The following ZFP69B variants were observed in gnomAD, a reference collection of about 807,000 sequenced individuals.
The protein encoded by ZFP69B is ZFP69 zinc finger protein B, also known as zinc finger protein 69 homolog B.
A neutral mutation model predicts 19.7 loss-of-function variants in ZFP69B; 20 were observed. The ratio of observed to expected loss-of-function variants is 1.02; its 90% confidence interval spans 0.71 to 1.48. The LOEUF (loss-of-function observed/expected upper bound fraction) is 1.48, where lower values mean the gene tolerates loss of function less well. Ranked by LOEUF, ZFP69B falls within the 40% of genes most tolerant of loss-of-function variation. ZFP69B has a pLI of 0.00. For synonymous variants in ZFP69B, 220 were observed against 222.7 expected, an observed-to-expected ratio of 0.99 and a Z score of 0.11; for missense variants, 583 against 632.6, an observed-to-expected ratio of 0.92 and a Z score of 0.84.
chr1:40,451,656 G>T (rs997824907), intron 1 of ZFP69B, among the ~76,000 whole-genome samples: 4 of 145,528 alleles, frequency 2.7e-5, no homozygotes, highest in East Asian at 2.1e-4. Context: ...AAAGACGTGG[G>T]GGGGGGGGAA....
intron 2 of ZFP69B, among the ~76,000 whole-genome samples, chr1:40,455,167 TAGC>T (rs921419882): frequency 2.0e-5 from 3 of 152,204 alleles, no homozygotes; most frequent in Non-Finnish European, 1.5e-5. Context: ...AAACTTCTAA[TAGC>T]AGTTTAACAG....
At chr1:40,460,858 G>A (rs924000249) in intron 4 of ZFP69B, among the ~76,000 whole-genome samples, 1 of 151,872 alleles carries the variant, frequency 6.6e-6, no homozygotes, top group African/African-American at 2.4e-5. Flanking sequence ...GCGCATGCTT[G>A]TAGTCCCAGC....
chr1:40,456,168 T>C (rs1645230974), intron 2 of ZFP69B, among the ~76,000 whole-genome samples: 1 of 152,176 alleles, frequency 6.6e-6, no homozygotes, highest in South Asian at 2.1e-4. Context: ...TCTAGATCCA[T>C]GAGGAATCGC....
upstream of ZFP69B, among the ~76,000 whole-genome samples, chr1:40,450,411 G>C (rs1645174142): frequency 6.6e-6 from 1 of 151,594 alleles, no homozygotes; most frequent in Non-Finnish European, 1.5e-5. Context: ...ACTAGTGAAA[G>C]AGCTGGGATT....
intron 1 of ZFP69B, among the ~76,000 whole-genome samples, chr1:40,453,732 C>T (rs925302436): frequency 1.3e-5 from 2 of 151,978 alleles, no homozygotes; most frequent in African/African-American, 2.4e-5. Flanking sequence ...ATTAGTTGGG[C>T]GTGGTGTCAC....
intron 1 of ZFP69B, 87 bp from the exon 2 acceptor site, chr1:40,454,116 G>T: frequency 9.9e-7 from 1 of 1,005,062 alleles, no homozygotes. Context: ...TTTTTGGGGA[G>T]AAGCCACAAT....
At chr1:40,454,067 C>A in intron 1 of ZFP69B, 136 bp from the exon 2 acceptor site, 1 of 451,320 alleles carries the variant, frequency 2.2e-6, no homozygotes, top group Non-Finnish European at 3.8e-6. Flanking sequence ...AGGCTTTGAG[C>A]TGCTCTTGAG....
intron 3 of ZFP69B, 132 bp from the exon 4 acceptor site, chr1:40,457,212 G>A: frequency 6.8e-7 from 1 of 1,466,608 alleles, no homozygotes; most frequent in African/African-American, 1.4e-5. Flanking sequence ...GGATTGCTAT[G>A]CTCTTTTCTG....
rs745962942 is a variant in ZFP69B, at chr1:40,463,495, A to T, written c.1511A>T (p.Asp504Val). 6.2e-7 allele frequency: 1 copy of T among 1,614,028 alleles called. No homozygotes were observed. Among genetic ancestry groups the T allele is most frequent in the African/African-American group, 1.3e-5 (1 of 74,938 alleles). ...ATTCATACTGGAGAAAAACCTTATG[A>T]TTGTAATGAGTGTGGAAAAGCCTTC... Reference protein sequence around the residue: ...QRIHTGEKPYDCNECGKAFSC... With the variant: ...QRIHTGEKPYVCNECGKAFSC... The change falls in exon 5 of 5, where the codon GAT becomes GTT. Residue 504 changes from aspartate (D) to valine (V), a missense_variant. By Grantham distance (152) the Asp-to-Val change is radical (BLOSUM62 -3). Coordinates refer to ENST00000361584, the MANE Select transcript of ZFP69B (RefSeq NM_023070.3).
chr1:40,454,797 CTT>C (rs1645218828), intron 2 of ZFP69B, among the ~76,000 whole-genome samples: 1 of 152,024 alleles, frequency 6.6e-6, no homozygotes, highest in Admixed American at 6.5e-5. Flanking sequence ...CAGGAAACCT[CTT>C]GTTTTTGCAA....
Position 40,454,314 on chromosome 1 carries a change from C to T in ZFP69B, c.213+26C>T, listed in dbSNP as rs769205067. On this transcript the variant is annotated intron_variant, in intron 2 of 4. Coordinates refer to ENST00000361584, the MANE Select transcript of ZFP69B (RefSeq NM_023070.3). ...GTGGGTTGGAGTTTCTGGTCACTTT[C>T]TTGACATTGTTTCTCAGATTTTAAG... The T allele has an allele frequency of 2.0e-6, 3 of 1,506,314 alleles. No homozygotes were observed. The South Asian group carries it at 3.9e-5, about 19-fold the overall frequency. The allele number at this position is 1,506,314 out of a possible 1,614,324, so 93.3% of individuals were successfully genotyped here. A position where few individuals can be genotyped will look rare whatever the true frequency, so the allele number is the denominator to read the frequency against.
chr1:40,451,001 A>G lies in ZFP69B; in HGVS notation c.40A>G (p.Ser14Gly). Residue 14 changes from serine to glycine, a missense_variant, in exon 1 of 5, where the codon AGC becomes GGC. Coordinates refer to ENST00000361584, the MANE Select transcript of ZFP69B (RefSeq NM_023070.3). ...QLLITLPTEA[S>G]TWVKLRHPKA... ...CCTGATCACCCTGCCCACCGAGGCCAGCACCTGGGTGAAGTTGCGTCATCC... is the reference window on the plus strand; with the variant it reads ...CCTGATCACCCTGCCCACCGAGGCCGGCACCTGGGTGAAGTTGCGTCATCC... 6.4e-7 allele frequency: 1 copy of G among 1,551,612 alleles called. No homozygotes were observed. The highest frequency in any genetic ancestry group is 8.7e-7 in the Non-Finnish European group (1 of 1,147,126).
intron 1 of ZFP69B, among the ~76,000 whole-genome samples, chr1:40,453,053 C>T (rs190811947): frequency 1.3e-5 from 2 of 151,656 alleles, no homozygotes; most frequent in East Asian, 1.9e-4. Context: ...CTCTGCCTCC[C>T]GGGTTCAAGT....
Position 40,456,994 on chromosome 1 carries a change from G to T in ZFP69B, c.263G>T (p.Trp88Leu), listed in dbSNP as rs754738767. The T allele has an allele frequency of 6.2e-7, 1 of 1,614,070 alleles. No individual in the cohort carries two copies. Among genetic ancestry groups the T allele is most frequent in the East Asian group, 2.2e-5 (1 of 44,878 alleles). ...DVSVDFTQEE[W>L]GQLAPAHRNL... ...TCTGTGGACTTCACTCAGGAGGAGT[G>T]GGGGCAGCTGGCCCCTGCTCACCGG... Residue 88 changes from tryptophan (W) to leucine (L), a missense_variant, in exon 3 of 5, where the codon TGG becomes TTG. Transcript: ENST00000361584.
intron 4 of ZFP69B, among the ~76,000 whole-genome samples, chr1:40,461,435 CT>C (rs774210565): frequency 2.6e-5 from 4 of 151,060 alleles, no homozygotes; most frequent in Non-Finnish European, 5.9e-5. Flanking sequence ...TTTTAAAATA[CT>C]TTTTTTTTGG....
chr1:40,452,083 C>T (rs575259645), intron 1 of ZFP69B, among the ~76,000 whole-genome samples: 7 of 152,048 alleles, frequency 4.6e-5, no homozygotes, highest in Non-Finnish European at 8.8e-5. Flanking sequence ...TGAGATGGCG[C>T]CACTGCACTC....
Position 40,457,005 on chromosome 1 carries a change from G to GC in ZFP69B, c.278dup (p.Ala94CysfsTer68), listed in dbSNP as rs1645239412. The GC allele has an allele frequency of 6.8e-6, 11 of 1,613,936 alleles. No homozygotes were observed. Among genetic ancestry groups the GC allele is most frequent in the Non-Finnish European group, 9.3e-6 (11 of 1,179,912 alleles). On this transcript the variant is annotated frameshift_variant, in exon 3 of 5. Transcript: ENST00000361584. LOFTEE classifies it high-confidence loss of function. Reference sequence around the variant, plus strand: ...CACTCAGGAGGAGTGGGGGCAGCTGGCCCCTGCTCACCGGAATCTGTACCG... The same window carrying GC: ...CACTCAGGAGGAGTGGGGGCAGCTGGCCCCCTGCTCACCGGAATCTGTACCG...
intron 4 of ZFP69B, among the ~76,000 whole-genome samples, chr1:40,458,540 AGAGT>A (rs892842426): frequency 6.7e-6 from 1 of 149,500 alleles, no homozygotes; most frequent in African/African-American, 2.5e-5. Context: ...TTTTTGAGAC[AGAGT>A]CTTGCTGTGT....
chr1:40,461,337 T>C (rs1645283225), intron 4 of ZFP69B, among the ~76,000 whole-genome samples: 1 of 152,180 alleles, frequency 6.6e-6, no homozygotes, highest in Admixed American at 6.5e-5. Context: ...TTTATCCCAG[T>C]TAGGGAGATG....
Sources: allele counts gnomAD v4.1 joint callset (sites outside exome capture counted in the v4.1 genomes callset), GRCh38; gene constraint gnomAD v4.1.1; transcripts MANE v1.5; gene names NCBI Gene and HGNC (gene_info 2026-07-23, HGNC 2026-07-21).